KLRG1: variants seen among roughly 807,000 people sequenced by gnomAD.
The protein encoded by KLRG1 is killer cell lectin like receptor G1, also known as killer cell lectin-like receptor subfamily G member 1.
In KLRG1, 16 loss-of-function variants were observed where a neutral mutation model predicts 21.8. That is an observed-to-expected ratio of 0.73 (90% CI 0.50 to 1.11). KLRG1 has a LOEUF of 1.11. Among genes scored for constraint, KLRG1 ranks in the 50% most tolerant of loss-of-function variants. KLRG1 has a pLI of 0.00. For missense variants in KLRG1, 173 were observed against 218.3 expected, an observed-to-expected ratio of 0.79 and a Z score of 1.31; for synonymous variants, 69 against 75.9, an observed-to-expected ratio of 0.91 and a Z score of 0.47.
the KLRG1 span, among the ~76,000 whole-genome samples, chr12:9,085,237 T>C: frequency 0.024 from 3,676 of 152,182 alleles, 139 homozygotes; most frequent in African/African-American, 0.083. Context: ...TTCTCCAAGA[T>C]AGATCATATT....
the KLRG1 span, chr12:9,090,026 GA>G: frequency 3.7e-5 from 58 of 1,576,014 alleles, no homozygotes; most frequent in South Asian, 1.0e-4. Context: ...CACATTTCCT[GA>G]AAAAAAAGGC....
the KLRG1 span, among the ~76,000 whole-genome samples, chr12:9,120,735 G>A: frequency 6.6e-6 from 1 of 152,114 alleles, no homozygotes; most frequent in African/African-American, 2.4e-5. Flanking sequence ...AGGGTGTACT[G>A]GCTTTGTCTT....
At chr12:9,213,160 G>A in the KLRG1 span, among the ~76,000 whole-genome samples, 1 of 152,066 alleles carries the variant, frequency 6.6e-6, no homozygotes, top group Non-Finnish European at 1.5e-5. Flanking sequence ...TCCTTTACAT[G>A]AGTGAACGAT....
At chr12:9,074,311 C>T in the KLRG1 span, among the ~76,000 whole-genome samples, 1 of 152,032 alleles carries the variant, frequency 6.6e-6, no homozygotes, top group Non-Finnish European at 1.5e-5. Context: ...TTGAGGAAGG[C>T]AGTGTTGTTA....
At chr12:9,115,863 G>A in the KLRG1 span, 8 of 1,605,700 alleles carry the variant, frequency 5.0e-6, no homozygotes, top group East Asian at 2.2e-5. Flanking sequence ...GCAGAAAGAA[G>A]GAGCTGGAGG....
chr12:8,962,514 GA>G (rs1358954342), intron 1 of KLRG1, among the ~76,000 whole-genome samples: 2 of 152,022 alleles, frequency 1.3e-5, no homozygotes, highest in Admixed American at 1.3e-4. Flanking sequence ...AGGAGTTCAA[GA>G]TCAGCCTGGG....
At chr12:9,063,987 TA>T in the KLRG1 span, among the ~76,000 whole-genome samples, 38 of 152,350 alleles carry the variant, frequency 2.5e-4, no homozygotes, top group African/African-American at 8.4e-4. Flanking sequence ...GAGGTAAAAT[TA>T]TAATCCTGTT....
the KLRG1 span, chr12:9,091,299 G>A: frequency 6.2e-7 from 1 of 1,614,174 alleles, no homozygotes; most frequent in Non-Finnish European, 8.5e-7. Context: ...ACAAAGAAGG[G>A]CTGGAAGGCT....
chr12:9,152,371 C>T, the KLRG1 span: 2 of 1,230,686 alleles, frequency 1.6e-6, no homozygotes, highest in East Asian at 4.7e-5. Flanking sequence ...CAAATTTCTG[C>T]TTTCAAGCAT....
the KLRG1 span, among the ~76,000 whole-genome samples, chr12:9,017,933 A>C: frequency 6.6e-6 from 1 of 152,248 alleles, no homozygotes; most frequent in South Asian, 2.1e-4. Context: ...ATACAAAATC[A>C]GCCTACAAAA....
the KLRG1 span, chr12:9,028,938 G>A: frequency 1.6e-6 from 1 of 631,740 alleles, no homozygotes; most frequent in Middle Eastern, 4.7e-4. Context: ...TGCAACCTTG[G>A]TGTTTGGGTC....
chr12:9,094,340 CATATAT>C, the KLRG1 span, among the ~76,000 whole-genome samples: 2,857 of 97,022 alleles, frequency 0.029, 50 homozygotes, highest in Middle Eastern at 0.06. Flanking sequence ...AAAAATTGTG[CATATAT>C]ATATATATAT....
At chr12:9,168,816 C>G in the KLRG1 span, 141 of 1,342,746 alleles carry the variant, frequency 1.1e-4, no homozygotes, top group African/African-American at 1.7e-3. Flanking sequence ...GCATTTTGGG[C>G]ATAGTAATAT....
At chr12:9,192,794 C>A in the KLRG1 span, 1 of 1,266,514 alleles carries the variant, frequency 7.9e-7, no homozygotes. Context: ...TTCACCTTAG[C>A]TTCTCACCAA....
chr12:9,024,655 A>G, the KLRG1 span, among the ~76,000 whole-genome samples: 1 of 152,198 alleles, frequency 6.6e-6, no homozygotes, highest in Non-Finnish European at 1.5e-5. Flanking sequence ...CCAGCGATGT[A>G]TAAATTTGGG....
At chr12:8,998,142 A>G (rs929944827) in intron 3 of KLRG1, among the ~76,000 whole-genome samples, 3 of 152,110 alleles carry the variant, frequency 2.0e-5, no homozygotes, top group Non-Finnish European at 2.9e-5. Flanking sequence ...CAGCCTGGCT[A>G]ACATGGTGAA....
chr12:8,952,678 T>C (rs1221727255), intron 1 of KLRG1, among the ~76,000 whole-genome samples: 2 of 152,218 alleles, frequency 1.3e-5, no homozygotes, highest in Admixed American at 6.5e-5. Context: ...TTTGAACAGG[T>C]TGAGAGTAAA....
chr12:9,161,261 T>C, the KLRG1 span: 1 of 621,936 alleles, frequency 1.6e-6, no homozygotes, highest in Non-Finnish European at 2.7e-6. Flanking sequence ...ATTGTGATGA[T>C]TTGAGGAAAA....
the KLRG1 span, chr12:9,095,517 A>G: frequency 6.2e-7 from 1 of 1,601,552 alleles, no homozygotes; most frequent in Non-Finnish European, 8.5e-7. Flanking sequence ...AGATCAGACC[A>G]TCTGCAACAT....
Sources: allele counts gnomAD v4.1 joint callset (sites outside exome capture counted in the v4.1 genomes callset), GRCh38; gene constraint gnomAD v4.1.1; transcripts MANE v1.5; gene names NCBI Gene and HGNC (gene_info 2026-07-23, HGNC 2026-07-21).